USP25: variants seen among roughly 807,000 people sequenced by gnomAD.
USP25 encodes the protein ubiquitin specific peptidase 25, also known as ubiquitin carboxyl-terminal hydrolase 25.
In USP25, 85 loss-of-function variants were observed where a neutral mutation model predicts 158.5. The observed-to-expected ratio is 0.54, with a 90% CI of 0.45 to 0.64. USP25 has a LOEUF of 0.64. Among genes scored for constraint, USP25 ranks in the 30% least tolerant of loss-of-function variants. The pLI, the probability that USP25 is intolerant of heterozygous loss-of-function variation, is 0.00. For missense variants in USP25, 1,242 were observed against 1,327.3 expected (o/e 0.94, Z 1.00); for synonymous variants, 464 against 460.4 (o/e 1.01, Z -0.10).
chr21:15,831,930 A>G (rs2037824429), intron 16 of USP25, among the ~76,000 whole-genome samples: 1 of 152,166 alleles, frequency 6.6e-6, no homozygotes, highest in Admixed American at 6.5e-5. Context: ...CCTAACATAT[A>G]TGGCCTCTGT....
intron 20 of USP25, among the ~76,000 whole-genome samples, chr21:15,860,848 G>A (rs1237536321): frequency 6.6e-6 from 1 of 151,470 alleles, no homozygotes; most frequent in African/African-American, 2.4e-5. Flanking sequence ...CTAGCTTTTT[G>A]AATTTTAATC....
At chr21:15,764,157 T>A (rs75316565) in intron 2 of USP25, among the ~76,000 whole-genome samples, 11,480 of 152,172 alleles carry the variant, frequency 0.075, 493 homozygotes, top group East Asian at 0.092. Flanking sequence ...ACCTCAATTT[T>A]TATGATTATG....
chr21:15,862,663 G>A (rs183537186), intron 20 of USP25, among the ~76,000 whole-genome samples: 5 of 146,768 alleles, frequency 3.4e-5, no homozygotes, highest in African/African-American at 1.0e-4. Flanking sequence ...CACAGTAAGC[G>A]TTGATAATCT....
rs114730466 is a variant in USP25, at chr21:15,758,884, C to T, written c.46-4007C>T. On this transcript the variant is annotated intron_variant, in intron 1 of 25. Coordinates refer to ENST00000400183, the MANE Select transcript of USP25 (RefSeq NM_001283041.3). ...GCCCCCATGATTCAATTACCTTCTA[C>T]CAGGTCCCTCCCATGACACATGAGG... Among the ~76,000 whole-genome samples the T allele has an allele frequency of 2.4e-3, 360 of 152,238 alleles. 5 individuals carry two copies. The highest frequency in any genetic ancestry group is 8.4e-3 in the African/African-American group (348 of 41,556).
At chr21:15,771,714 A>G (rs2034366122) in intron 3 of USP25, among the ~76,000 whole-genome samples, 1 of 150,952 alleles carries the variant, frequency 6.6e-6, no homozygotes, top group African/African-American at 2.4e-5. Flanking sequence ...TCTTCTGTCA[A>G]TCTCCCAAAA....
intron 2 of USP25, among the ~76,000 whole-genome samples, chr21:15,764,776 A>G (rs1049065271): frequency 3.3e-5 from 5 of 152,112 alleles, no homozygotes; most frequent in Non-Finnish European, 5.9e-5. Context: ...TGGATGAGTC[A>G]CTTAGGAATC....
intron 9 of USP25, among the ~76,000 whole-genome samples, chr21:15,814,408 A>C (rs2036830423): frequency 6.6e-6 from 1 of 152,080 alleles, no homozygotes; most frequent in African/African-American, 2.4e-5. Flanking sequence ...CTTTGGAGAT[A>C]GGTAACAGGC....
At chr21:15,736,909 C>G (rs1177638928) in intron 1 of USP25, among the ~76,000 whole-genome samples, 1 of 145,932 alleles carries the variant, frequency 6.9e-6, no homozygotes, top group Non-Finnish European at 1.5e-5. Context: ...TTTGATGCCA[C>G]TCTGCTTTTT....
chr21:15,814,965 C>T (rs1052641720), intron 9 of USP25, among the ~76,000 whole-genome samples: 10 of 152,176 alleles, frequency 6.6e-5, no homozygotes, highest in Admixed American at 4.6e-4. Flanking sequence ...CAGCCCCTCC[C>T]ATCATAGACC....
chr21:15,840,050 T>C (rs966702259), intron 17 of USP25, among the ~76,000 whole-genome samples: 4 of 152,148 alleles, frequency 2.6e-5, no homozygotes, highest in Admixed American at 6.5e-5. Flanking sequence ...ATTGTACTTA[T>C]ATTTTGGCTT....
At position 15,826,332 on chromosome 21, in the gene USP25, C is replaced by T; in HGVS notation, c.1433C>T (p.Pro478Leu). The change falls in exon 13 of 26, where the codon CCT becomes CTT. Residue 478 changes from proline to leucine, a missense_variant. Physicochemically the swap from Pro to Leu is moderately conservative, Grantham distance 98 (BLOSUM62 -3). Transcript: ENST00000400183. The surrounding 1 kb of genome is among the most constrained non-coding windows in gnomAD (Gnocchi z 4.8). ...GACGATATTGACGCTAGTTCCCCAC[C>T]TAGTGGTTCCATACCATCACAGACA... ...PVDDIDASSP[P>L]SGSIPSQTLP... is the part of the protein sequence containing the mutation. The T allele has an allele frequency of 3.7e-6, 6 of 1,614,020 alleles. No individual in the cohort carries two copies. The Middle Eastern group carries it at 9.9e-4, about 266-fold the overall frequency.
intron 9 of USP25, among the ~76,000 whole-genome samples, chr21:15,811,488 C>T (rs1046350031): frequency 6.6e-6 from 1 of 152,068 alleles, no homozygotes; most frequent in African/African-American, 2.4e-5. Flanking sequence ...TGTTGGAATA[C>T]AGGGATTAAT....
intron 20 of USP25, among the ~76,000 whole-genome samples, chr21:15,859,969 G>GTATATATATATATATATA (rs1407045662): frequency 7.2e-6 from 1 of 138,480 alleles, no homozygotes; most frequent in African/African-American, 2.7e-5. Flanking sequence ...ATATATATAT[G>GTATATATATATATATATA]TATATATATA....
intron 1 of USP25, among the ~76,000 whole-genome samples, chr21:15,760,405 C>T (rs2033657224): frequency 1.3e-5 from 2 of 152,168 alleles, no homozygotes; most frequent in African/African-American, 2.4e-5. Flanking sequence ...CCTACTAGGT[C>T]TGGACTGCCC....
At chr21:15,788,735 G>C (rs1305664521) in intron 4 of USP25, among the ~76,000 whole-genome samples, 1 of 151,968 alleles carries the variant, frequency 6.6e-6, no homozygotes, top group Non-Finnish European at 1.5e-5. Context: ...ATTCTACCAT[G>C]TGGTATGGTT....
chr21:15,799,007 C>A (rs139582550), intron 5 of USP25, among the ~76,000 whole-genome samples: 1 of 151,230 alleles, frequency 6.6e-6, no homozygotes, highest in African/African-American at 2.4e-5. Flanking sequence ...ACATTTTACA[C>A]ATACACAAGT....
intron 1 of USP25, among the ~76,000 whole-genome samples, chr21:15,757,700 T>C (rs1887131549): frequency 6.6e-6 from 1 of 152,206 alleles, no homozygotes; most frequent in African/African-American, 2.4e-5. Context: ...GAAGTTCAAC[T>C]GGGCTAGCCC....
Position 15,877,860 on chromosome 21 carries a change from T to G in USP25, c.3074T>G (p.Leu1025Trp). 6.2e-7 allele frequency: 1 copy of G among 1,613,514 alleles called. No homozygotes were observed. The highest frequency in any genetic ancestry group is 2.2e-5 in the East Asian group (1 of 44,844). ...GAGGATCGAGAAGTAAACAATGGTT[T>G]GATTATCATGAATGAGTTTATTGTC... ...SGEDREVNNG[L>W]IIMNEFIVPF... The change falls in exon 25 of 26, where the codon TTG becomes TGG. Residue 1025 changes from leucine (L) to tryptophan (W), a missense_variant. By Grantham distance (61) the Leu-to-Trp change is moderately conservative. Transcript: ENST00000400183.
intron 1 of USP25, among the ~76,000 whole-genome samples, chr21:15,737,821 T>A (rs186022472): frequency 6.6e-6 from 1 of 152,088 alleles, no homozygotes; most frequent in African/African-American, 2.4e-5. Flanking sequence ...AGAAGTGTTT[T>A]GGATTTTGGA....
Sources: allele counts gnomAD v4.1 joint callset (sites outside exome capture counted in the v4.1 genomes callset), GRCh38; gene constraint gnomAD v4.1.1; non-coding constraint Gnocchi (gnomAD v3.1); transcripts MANE v1.5; gene names NCBI Gene and HGNC (gene_info 2026-07-23, HGNC 2026-07-21).